The following CAMTA1 variants were observed in gnomAD, a reference collection of about 807,000 sequenced individuals.
CAMTA1 encodes calmodulin binding transcription activator 1.
In CAMTA1, 27 loss-of-function variants were observed where a neutral mutation model predicts 170.9. The ratio of observed to expected loss-of-function variants is 0.16; its 90% CI spans 0.12 to 0.22. The LOEUF is 0.22. Among genes scored for constraint, CAMTA1 ranks in the 10% least tolerant of loss-of-function variants. CAMTA1 has a pLI of 1.00. For synonymous variants in CAMTA1, 833 were observed against 891.5 expected, an observed-to-expected ratio of 0.93 and a Z score of 1.17; for missense variants, 1,619 against 2,217.2, an observed-to-expected ratio of 0.73 and a Z score of 5.42.
At chr1:6,917,015 G>C (rs1449877196) in intron 3 of CAMTA1, among the ~76,000 whole-genome samples, 1 of 152,186 alleles carries the variant, frequency 6.6e-6, no homozygotes, top group Non-Finnish European at 1.5e-5. Context: ...ACTTCTCTGA[G>C]CAAGTGGTGT....
rs536221108 is a variant in CAMTA1, at chr1:7,457,355, G to A, written c.439-10475G>A. ...TCCTCACTCATGTCGTCGTTAGGCCGGCGGCCGCTTTATTTAGATGTTTCC... is the reference window on the plus strand; with the variant it reads ...TCCTCACTCATGTCGTCGTTAGGCCAGCGGCCGCTTTATTTAGATGTTTCC... On this transcript the variant is annotated intron_variant, in intron 5 of 22. Coordinates refer to ENST00000303635, the MANE Select transcript of CAMTA1 (RefSeq NM_015215.4). 7.9e-5 allele frequency among the ~76,000 whole-genome samples: 12 copies of A among 151,956 alleles called. No homozygotes were observed. The East Asian group carries it at 1.4e-3, about 17-fold the overall frequency.
At chr1:7,161,644 T>A (rs1647232870) in intron 4 of CAMTA1, among the ~76,000 whole-genome samples, 1 of 152,262 alleles carries the variant, frequency 6.6e-6, no homozygotes, top group South Asian at 2.1e-4. Context: ...GCCTTTCACC[T>A]TCTGTCATGA....
Position 6,902,067 on chromosome 1 carries a change from ACACAC to A in CAMTA1, c.234+76858_234+76862del, listed in dbSNP as rs1677094082. On this transcript the variant is annotated intron_variant, in intron 3 of 22. Transcript: ENST00000303635. ...CACACACACACACACACACACACAC[ACACAC>A]AAAAAAAAAAATAAAAATAAAAACT... Among the ~76,000 whole-genome samples the A allele has an allele frequency of 2.2e-4, 18 of 82,280 alleles. No homozygotes were observed. In the South Asian group the frequency reaches 5.4e-3, roughly 25 times the overall value. 54.0% of individuals were successfully genotyped at this position (82,280 alleles called of 152,430 possible).
chr1:6,854,979 T>C (rs963843668), intron 3 of CAMTA1, among the ~76,000 whole-genome samples: 5 of 152,224 alleles, frequency 3.3e-5, no homozygotes, highest in African/African-American at 1.2e-4. Flanking sequence ...TCACCAATTC[T>C]GTTTATTATT....
chr1:7,086,682 C>T (rs1022982218), intron 3 of CAMTA1, among the ~76,000 whole-genome samples: 6 of 152,242 alleles, frequency 3.9e-5, no homozygotes, highest in Non-Finnish European at 8.8e-5. Flanking sequence ...CCTTCCATGC[C>T]TGGCCTCTTC....
intron 11 of CAMTA1, among the ~76,000 whole-genome samples, chr1:7,728,357 C>T (rs1482061776): frequency 6.6e-6 from 1 of 152,264 alleles, no homozygotes; most frequent in Non-Finnish European, 1.5e-5. Flanking sequence ...GCCACCTCCA[C>T]GGGCAGCAGG....
At chr1:6,785,746 G>A (rs1639017755) in intron 1 of CAMTA1, among the ~76,000 whole-genome samples, 171 bp downstream of exon 1, 1 of 136,498 alleles carries the variant, frequency 7.3e-6, no homozygotes, top group Non-Finnish European at 1.6e-5. Context: ...GGCGGAGCGC[G>A]GCCGAGTCCT....
chr1:6,890,352 A>G (rs1674240870), intron 3 of CAMTA1, among the ~76,000 whole-genome samples: 1 of 152,198 alleles, frequency 6.6e-6, no homozygotes, highest in Non-Finnish European at 1.5e-5. Context: ...GAACCAGGAC[A>G]TCCATTTTTG....
At chr1:7,175,319 G>A (rs1410973932) in intron 4 of CAMTA1, among the ~76,000 whole-genome samples, 1 of 152,138 alleles carries the variant, frequency 6.6e-6, no homozygotes, top group Non-Finnish European at 1.5e-5. Flanking sequence ...ACATAATAAA[G>A]ATATTTTTCC....
rs1256208549 is a variant in CAMTA1 at position 7,063,375 on chromosome 1, G to A, written c.235-27929G>A. ...GTCATCTGCAGCGCTTTGCTTACCCGTTTGACCACGACACCACCGCACCTC... is the reference window on the plus strand; with the variant it reads ...GTCATCTGCAGCGCTTTGCTTACCCATTTGACCACGACACCACCGCACCTC... On this transcript the variant is annotated intron_variant, in intron 3 of 22. Transcript: ENST00000303635. This position sits in a 1 kb window ranked among gnomAD's most constrained non-coding sequence, Gnocchi z 4.3. Among the ~76,000 whole-genome samples the A allele has an allele frequency of 6.6e-6, 1 of 152,138 alleles. No homozygotes were observed. Among genetic ancestry groups the A allele is most frequent in the Non-Finnish European group, 1.5e-5 (1 of 68,030 alleles).
chr1:7,481,535 T>A (rs2093534359), intron 6 of CAMTA1, among the ~76,000 whole-genome samples: 1 of 152,232 alleles, frequency 6.6e-6, no homozygotes, highest in Non-Finnish European at 1.5e-5. Flanking sequence ...CCTCACTCTC[T>A]GGCAAGCCCT....
At position 7,746,037 on chromosome 1, in the gene CAMTA1, G is replaced by A. The variant is rs928512746; in HGVS notation, c.4563G>A (p.Gln1521=). 1 of 1,614,216 alleles carries A rather than the reference G, an allele frequency of 6.2e-7. No homozygotes were observed. The highest frequency in any genetic ancestry group is 8.5e-7 in the Non-Finnish European group (1 of 1,180,032). ...AGCTCACTCTGTCTGATCATGAACA[G>A]AGAGAACTCTATGAGGCTGCCAGGC... is the stretch of plus-strand genomic sequence containing the variant. ...FAQLTLSDHE[Q]RELYEAARLV... Residue 1521 remains glutamine, a synonymous_variant, in exon 18 of 23, where the codon CAG becomes CAA. Coordinates refer to ENST00000303635, the MANE Select transcript of CAMTA1 (RefSeq NM_015215.4).
rs1575179927 is a variant in CAMTA1 at position 7,413,084 on chromosome 1, C to A, written c.439-54746C>A. On this transcript the variant is annotated intron_variant, in intron 5 of 22. Transcript: ENST00000303635. ...TAGTTGTAGACATGCAGCATTATTTCTGAGGGCTCTGTTCTGTTCCATTGA... is the reference window on the plus strand; with the variant it reads ...TAGTTGTAGACATGCAGCATTATTTATGAGGGCTCTGTTCTGTTCCATTGA... Among the ~76,000 whole-genome samples, 3 of 150,748 alleles carry A rather than the reference C, an allele frequency of 2.0e-5. No homozygotes were observed. In the South Asian group the frequency reaches 6.3e-4, roughly 32 times the overall value.
At chr1:6,989,157 A>G (rs1420700106) in intron 3 of CAMTA1, among the ~76,000 whole-genome samples, 3 of 152,172 alleles carry the variant, frequency 2.0e-5, no homozygotes, top group African/African-American at 7.2e-5. Context: ...CCACAGCCTG[A>G]TGCAGGAGCC....
rs1406687019 is a variant in CAMTA1 at position 7,379,864 on chromosome 1, CG to C, written c.439-87965del. Among the ~76,000 whole-genome samples, 3 of 152,210 alleles carry C rather than the reference CG, an allele frequency of 2.0e-5. No homozygotes were observed. The East Asian group carries it at 5.8e-4, about 29-fold the overall frequency. ...TTCCAAACAACACACATCAGCGAACCGACAAAGCCTGTCTGCGTGCGTCTGC... is the reference window on the plus strand; with the variant it reads ...TTCCAAACAACACACATCAGCGAACCACAAAGCCTGTCTGCGTGCGTCTGC... On this transcript the variant is annotated intron_variant, in intron 5 of 22. Coordinates refer to ENST00000303635, the MANE Select transcript of CAMTA1 (RefSeq NM_015215.4).
In CAMTA1 at chr1:7,737,236, G is replaced by T. The variant is rs1180893100; in HGVS notation, c.3343-19G>T. 6.2e-7 allele frequency: 1 copy of T among 1,606,626 alleles called. No homozygotes were observed. The highest frequency in any genetic ancestry group is 1.3e-5 in the African/African-American group (1 of 74,704). ...TGACCTCTGATTGAGAACGCTTGCT[G>T]TGTCTCCCTGTCTTCTAGATGTGGG... On this transcript the variant is annotated intron_variant, in intron 14 of 22. Coordinates refer to ENST00000303635, the MANE Select transcript of CAMTA1 (RefSeq NM_015215.4).
chr1:6,874,762 G>T (rs1035553732), intron 3 of CAMTA1, among the ~76,000 whole-genome samples: 2 of 152,134 alleles, frequency 1.3e-5, no homozygotes, highest in African/African-American at 4.8e-5. Flanking sequence ...ACTGTTTTTG[G>T]CTATGGAGGG....
At chr1:7,296,562 A>G (rs1673970345) in intron 5 of CAMTA1, among the ~76,000 whole-genome samples, 1 of 152,202 alleles carries the variant, frequency 6.6e-6, no homozygotes, top group African/African-American at 2.4e-5. Context: ...ATAAGGTGAA[A>G]GAAAGATGTT....
intron 4 of CAMTA1, among the ~76,000 whole-genome samples, chr1:7,121,539 A>G (rs1224678889): frequency 1.3e-5 from 2 of 152,230 alleles, no homozygotes; most frequent in African/African-American, 4.8e-5. Flanking sequence ...GGAGGCACAC[A>G]TAACAGGAGA....
Sources: gnomAD v4.1 joint callset for allele counts (sites outside exome capture counted in the v4.1 genomes callset) on GRCh38, gnomAD v4.1.1 for gene constraint, Gnocchi (gnomAD v3.1) non-coding constraint, MANE v1.5 for transcripts, NCBI Gene and HGNC (gene_info 2026-07-23, HGNC 2026-07-21) for gene names.